NYAP2: variants seen among roughly 807,000 people sequenced by gnomAD.
NYAP2 encodes the protein neuronal tyrosine-phosphorylated phosphoinositide-3-kinase adaptor 2.
A neutral mutation model predicts 50.4 loss-of-function variants in NYAP2; 23 were observed. The ratio of observed to expected loss-of-function variants is 0.46; its 90% CI spans 0.33 to 0.65. NYAP2 has a LOEUF of 0.65. Among genes scored for constraint, NYAP2 ranks in the 30% least tolerant of loss-of-function variants. The probability of loss-of-function intolerance (pLI) is 0.02; values close to 1 mark genes in which losing one functional copy is unlikely to be tolerated. For synonymous variants in NYAP2, 394 were observed against 365.2 expected, an observed-to-expected ratio of 1.08 and a Z score of -0.90; for missense variants, 885 against 861.0, an observed-to-expected ratio of 1.03 and a Z score of -0.35.
At chr2:225,571,898 C>T (rs1226559335) in intron 4 of NYAP2, among the ~76,000 whole-genome samples, 1 of 152,194 alleles carries the variant, frequency 6.6e-6, no homozygotes, top group Non-Finnish European at 1.5e-5. Context: ...TCTCTACTTC[C>T]TCTTGAACGC....
At chr2:225,459,242 G>A (rs1689785557) in intron 3 of NYAP2, among the ~76,000 whole-genome samples, 1 of 152,124 alleles carries the variant, frequency 6.6e-6, no homozygotes, top group African/African-American at 2.4e-5. Flanking sequence ...TAATGTTATT[G>A]ATATGCACCT....
chr2:225,432,834 C>T (rs892611931), intron 3 of NYAP2, among the ~76,000 whole-genome samples: 1 of 152,156 alleles, frequency 6.6e-6, no homozygotes, highest in Non-Finnish European at 1.5e-5. Flanking sequence ...TACAAATTCC[C>T]TCTTGTGATC....
chr2:225,472,326 C>T (rs1006531196), intron 3 of NYAP2, among the ~76,000 whole-genome samples: 1 of 152,202 alleles, frequency 6.6e-6, no homozygotes, highest in African/African-American at 2.4e-5. Context: ...GTTCAGCCAG[C>T]AGCAAGTAAG....
chr2:225,547,125 T>C (rs1691598964), intron 4 of NYAP2, among the ~76,000 whole-genome samples: 1 of 152,138 alleles, frequency 6.6e-6, no homozygotes, highest in African/African-American at 2.4e-5. Context: ...AGGAATCCCT[T>C]TTGTTGCCGT....
At chr2:225,456,599 G>T (rs573574454) in intron 3 of NYAP2, among the ~76,000 whole-genome samples, 1 of 152,130 alleles carries the variant, frequency 6.6e-6, no homozygotes, top group African/African-American at 2.4e-5. Context: ...GTGAGGAGGG[G>T]ATGCCTTATC....
Position 225,469,017 on chromosome 2 carries a change from G to T in NYAP2, c.222-44354G>T, listed in dbSNP as rs150193783. ...GCAACAAAAGCCAAAATTGACGAATGAGATCTAATTAAACTAAAGAGCTTC... is the reference window on the plus strand; with the variant it reads ...GCAACAAAAGCCAAAATTGACGAATTAGATCTAATTAAACTAAAGAGCTTC... On this transcript the variant is annotated intron_variant, in intron 3 of 6. Coordinates refer to ENST00000636099, the Ensembl canonical transcript of NYAP2. Among the ~76,000 whole-genome samples the T allele has an allele frequency of 3.9e-5, 6 of 152,248 alleles. No individual in the cohort carries two copies. The East Asian group carries it at 1.2e-3, about 29-fold the overall frequency.
chr2:225,478,289 C>G (rs1484054517), intron 3 of NYAP2, among the ~76,000 whole-genome samples: 2 of 152,076 alleles, frequency 1.3e-5, no homozygotes, highest in East Asian at 3.9e-4. Context: ...GCCCCAGTAA[C>G]TGGGAACATG....
intron 3 of NYAP2, among the ~76,000 whole-genome samples, chr2:225,490,238 T>G (rs1690381343): frequency 6.6e-6 from 1 of 152,176 alleles, no homozygotes; most frequent in African/African-American, 2.4e-5. Context: ...GCTCTGAGAC[T>G]CAATTTCCAT....
chr2:225,638,085 G>A (rs1311098412), intron 6 of NYAP2, among the ~76,000 whole-genome samples: 1 of 151,710 alleles, frequency 6.6e-6, no homozygotes, highest in East Asian at 1.9e-4. Context: ...ATTTTAAATA[G>A]ACTCTAGATA....
the NYAP2 span, chr2:225,700,692 C>T: frequency 4.0e-5 from 6 of 151,846 alleles, no homozygotes; most frequent in Admixed American, 1.3e-4. Flanking sequence ...TCTATGATTA[C>T]GTATATATTC....
chr2:225,429,434 A>C (rs1695332709), intron 3 of NYAP2, among the ~76,000 whole-genome samples: 1 of 152,200 alleles, frequency 6.6e-6, no homozygotes, highest in Non-Finnish European at 1.5e-5. Context: ...GATTTTCACA[A>C]AGTTCAGTAT....
At chr2:225,472,734 G>T (rs942981768) in intron 3 of NYAP2, among the ~76,000 whole-genome samples, 1 of 152,076 alleles carries the variant, frequency 6.6e-6, no homozygotes, top group Admixed American at 6.6e-5. Flanking sequence ...TATCTAGAAA[G>T]AAATTGGATG....
chr2:225,491,535 A>G (rs1176929604), intron 3 of NYAP2, among the ~76,000 whole-genome samples: 3 of 152,196 alleles, frequency 2.0e-5, no homozygotes, highest in Non-Finnish European at 4.4e-5. Flanking sequence ...TTAAATATAG[A>G]GTCTTCATCA....
intron 5 of NYAP2, among the ~76,000 whole-genome samples, chr2:225,619,603 C>T (rs1405586063): frequency 1.3e-5 from 2 of 151,940 alleles, no homozygotes; most frequent in Non-Finnish European, 2.9e-5. Flanking sequence ...CCTAGGTGGC[C>T]CAGGATCCAG....
At chr2:225,420,558 A>T (rs1574605528) in intron 3 of NYAP2, among the ~76,000 whole-genome samples, 1 of 151,736 alleles carries the variant, frequency 6.6e-6, no homozygotes, top group Admixed American at 6.6e-5. Flanking sequence ...AATAACCGAT[A>T]GCTGCTTTTT....
At chr2:225,568,138 G>T (rs1485173247) in intron 4 of NYAP2, among the ~76,000 whole-genome samples, 1 of 152,138 alleles carries the variant, frequency 6.6e-6, no homozygotes, top group Non-Finnish European at 1.5e-5. Context: ...CTGGGATTAT[G>T]CTTACAAAGT....
the NYAP2 span, among the ~76,000 whole-genome samples, chr2:225,684,916 G>C: frequency 2.0e-5 from 3 of 152,088 alleles, no homozygotes; most frequent in Admixed American, 1.3e-4. Flanking sequence ...TGGACCCACT[G>C]GTCTGTTCTA....
At chr2:225,672,504 A>C in the NYAP2 span, among the ~76,000 whole-genome samples, 1 of 152,194 alleles carries the variant, frequency 6.6e-6, no homozygotes, top group African/African-American at 2.4e-5. Flanking sequence ...CATATCAGCA[A>C]GAAGGCTGTT....
intron 4 of NYAP2, among the ~76,000 whole-genome samples, chr2:225,560,060 A>G (rs774717453): frequency 3.9e-5 from 6 of 152,058 alleles, no homozygotes; most frequent in Admixed American, 6.6e-5. Flanking sequence ...AATATATTAC[A>G]TATGCAAAAA....
Sources: allele counts gnomAD v4.1 joint callset (sites outside exome capture counted in the v4.1 genomes callset), GRCh38; gene constraint gnomAD v4.1.1; transcripts MANE v1.5; gene names NCBI Gene and HGNC (gene_info 2026-07-23, HGNC 2026-07-21).